SYT7: variants seen among roughly 807,000 people sequenced by gnomAD.
The protein encoded by SYT7 is synaptotagmin 7, also known as synaptotagmin-7.
SYT7 carries 29 observed loss-of-function variants against 75.1 expected under a neutral mutation model. The observed-to-expected ratio is 0.39, with a 90% CI of 0.29 to 0.53. The LOEUF (loss-of-function observed/expected upper bound fraction) is 0.53, where lower values mean the gene tolerates loss of function less well. Among genes scored for constraint, SYT7 ranks in the 20% least tolerant of loss-of-function variants. SYT7 has a pLI of 0.77. For synonymous variants in SYT7, 376 were observed against 401.7 expected, an observed-to-expected ratio of 0.94 and a Z score of 0.76; for missense variants, 693 against 953.2, an observed-to-expected ratio of 0.73 and a Z score of 3.59.
At chr11:61,572,676 C>T (rs1590953460) in intron 1 of SYT7, among the ~76,000 whole-genome samples, 1 of 152,206 alleles carries the variant, frequency 6.6e-6, no homozygotes, top group East Asian at 1.9e-4. Flanking sequence ...CCAGGCACCA[C>T]TGGGAGCCTC....
In SYT7 at chr11:61,580,824, C is replaced by T. The variant is rs2064242288; in HGVS notation, c.-4G>A. On this transcript the variant is annotated 5_prime_UTR_variant, in exon 1 of 13. Coordinates refer to ENST00000539008, the MANE Select transcript of SYT7 (RefSeq NM_001365809.2). This position sits in a 1 kb window ranked among gnomAD's most constrained non-coding sequence, Gnocchi z 6.1. ...CCGCCTCCGGGTCCCGGTACATGGT[C>T]CCCTCGTCGCCGGTTCCCTCCGGGC... is the stretch of plus-strand genomic sequence containing the variant. 1.4e-5 allele frequency: 18 copies of T among 1,266,852 alleles called. No individual in the cohort carries two copies. The highest frequency in any genetic ancestry group is 1.8e-5 in the Non-Finnish European group (18 of 1,004,032). 78.5% of individuals were successfully genotyped at this position (1,266,852 alleles called of 1,614,324 possible).
chr11:61,563,713 C>T (rs1011479520), intron 1 of SYT7, among the ~76,000 whole-genome samples: 22 of 152,152 alleles, frequency 1.4e-4, no homozygotes, highest in East Asian at 1.9e-4. Context: ...CTTCCTGGAA[C>T]GCCTTTCCTT....
Position 61,546,873 on chromosome 11 carries a change from C to T in SYT7, c.347+304G>A, listed in dbSNP as rs2063207171. ...CAAACGGGCAACCCCATCCTGACTG[C>T]ACAGAAGGTGGGGTGGGCCCCGGGA... is the stretch of plus-strand genomic sequence containing the variant. On this transcript the variant is annotated intron_variant, in intron 4 of 12. Coordinates refer to ENST00000539008, the MANE Select transcript of SYT7 (RefSeq NM_001365809.2). This position sits in a 1 kb window ranked among gnomAD's most constrained non-coding sequence, Gnocchi z 7.6. 6.6e-6 allele frequency among the ~76,000 whole-genome samples: 1 copy of T among 152,028 alleles called. No individual in the cohort carries two copies. The highest frequency in any genetic ancestry group is 1.5e-5 in the Non-Finnish European group (1 of 68,012).
At position 61,533,084 on chromosome 11, in the gene SYT7, G is replaced by A; in HGVS notation, c.1105C>T (p.Pro369Ser). ...GACTCATCGTGGGGTGTCTGGCCTG[G>A]CACGGGGGCTGTGTTCACCGCCTTC... Reference protein sequence around the residue: ...GGKAVNTAPVPGQTPHDESDR... With the variant: ...GGKAVNTAPVSGQTPHDESDR... The change falls in exon 8 of 13, where the codon CCA becomes TCA. Residue 369 changes from proline to serine, a missense_variant. Pro to Ser is a moderately conservative substitution (Grantham distance 74). Transcript: ENST00000539008. The A allele has an allele frequency of 6.2e-7, 1 of 1,610,504 alleles. No homozygotes were observed. The highest frequency in any genetic ancestry group is 8.5e-7 in the Non-Finnish European group (1 of 1,178,574).
chr11:61,588,191 G>A, the SYT7 span, among the ~76,000 whole-genome samples: 1 of 152,266 alleles, frequency 6.6e-6, no homozygotes, highest in East Asian at 1.9e-4. Context: ...GCCTCTGGGG[G>A]AGCTGCTGGG....
intron 1 of SYT7, among the ~76,000 whole-genome samples, chr11:61,558,868 G>A (rs952230995): frequency 2.6e-5 from 4 of 152,046 alleles, no homozygotes; most frequent in Non-Finnish European, 4.4e-5. Flanking sequence ...TCAGCCTCCC[G>A]AATAGCTGGG....
chr11:61,562,970 C>T (rs1345905942), intron 1 of SYT7, among the ~76,000 whole-genome samples: 1 of 152,154 alleles, frequency 6.6e-6, no homozygotes, highest in Non-Finnish European at 1.5e-5. Context: ...AGCTCACCAG[C>T]TGCCCAGAGG....
intron 8 of SYT7, among the ~76,000 whole-genome samples, chr11:61,528,594 C>G (rs2062604198): frequency 6.6e-6 from 1 of 152,130 alleles, no homozygotes; most frequent in Non-Finnish European, 1.5e-5. Context: ...GTGGGAGGCA[C>G]CGACACAAAC....
chr11:61,533,952 C>T (rs1312537861), intron 7 of SYT7, among the ~76,000 whole-genome samples: 6 of 152,146 alleles, frequency 3.9e-5, no homozygotes, highest in Admixed American at 1.3e-4. Flanking sequence ...CGGGCACCAC[C>T]GAGAAGCCCT....
chr11:61,579,418 G>C (rs186896713), intron 1 of SYT7, among the ~76,000 whole-genome samples: 12 of 152,224 alleles, frequency 7.9e-5, no homozygotes, highest in Non-Finnish European at 1.2e-4. Flanking sequence ...AGAGAAGGGC[G>C]CAAGGTTCCA....
rs1440656513 is a variant in SYT7, at chr11:61,551,388, T to C, written c.211A>G (p.Ile71Val). Residue 71 changes from isoleucine (I) to valine (V), a missense_variant, in exon 3 of 13, where the codon ATC (isoleucine) becomes GTC (valine). Coordinates refer to ENST00000539008, the MANE Select transcript of SYT7 (RefSeq NM_001365809.2). The surrounding 1 kb of genome is among the most constrained non-coding windows in gnomAD (Gnocchi z 5.3). ...SGRGRSEKKAINDLDRDFWNN... is the reference protein window; with the variant it reads ...SGRGRSEKKAVNDLDRDFWNN... ...AACTAGCAGCCTGGCACCTACTTGATAGCCTTCTTCTCACTGCGCCCACGC... is the reference window on the plus strand; with the variant it reads ...AACTAGCAGCCTGGCACCTACTTGACAGCCTTCTTCTCACTGCGCCCACGC... The C allele has an allele frequency of 3.1e-6, 5 of 1,613,808 alleles. No homozygotes were observed. The highest frequency in any genetic ancestry group is 3.3e-5 in the Admixed American group (2 of 60,008).
At position 61,542,186 on chromosome 11, in the gene SYT7, C is replaced by A; in HGVS notation, c.941+25G>T. The A allele has an allele frequency of 6.5e-7, 1 of 1,527,268 alleles. No homozygotes were observed. Among genetic ancestry groups the A allele is most frequent in the Non-Finnish European group, 8.7e-7 (1 of 1,142,914 alleles). 94.6% of individuals were successfully genotyped at this position (1,527,268 alleles called of 1,614,324 possible). A position where few individuals can be genotyped will look rare whatever the true frequency, so the allele number is the denominator to read the frequency against. ...GAGGCTGGGTCAGGGAGGTGGGGGC[C>A]GGCCCGCTCAAGGGGAGGACTTACA... is the stretch of plus-strand genomic sequence containing the variant. On this transcript the variant is annotated intron_variant, in intron 6 of 12. Coordinates refer to ENST00000539008, the MANE Select transcript of SYT7 (RefSeq NM_001365809.2). The surrounding 1 kb of genome is among the most constrained non-coding windows in gnomAD (Gnocchi z 7.8).
chr11:61,528,546 A>T (rs1298050619), intron 8 of SYT7, among the ~76,000 whole-genome samples: 1 of 152,088 alleles, frequency 6.6e-6, no homozygotes, highest in Non-Finnish European at 1.5e-5. Flanking sequence ...TGAGCCCCCC[A>T]GACCTCCCTG....
rs981301902 is a variant in SYT7, at chr11:61,580,589, G to A, written c.31+201C>T. Among the ~76,000 whole-genome samples the A allele has an allele frequency of 2.6e-5, 4 of 152,116 alleles. No individual in the cohort carries two copies. Among genetic ancestry groups the A allele is most frequent in the Non-Finnish European group, 4.4e-5 (3 of 67,974 alleles). ...AAGCCGGTCCCAGACATCCAGCCTG[G>A]CAGTGTCCAGACTGCGGGGGACCGG... On this transcript the variant is annotated intron_variant, in intron 1 of 12. Transcript: ENST00000539008. This position sits in a 1 kb window ranked among gnomAD's most constrained non-coding sequence, Gnocchi z 6.1.
intron 1 of SYT7, among the ~76,000 whole-genome samples, chr11:61,579,759 C>A (rs945214291): frequency 2.0e-5 from 3 of 152,204 alleles, no homozygotes; most frequent in African/African-American, 7.2e-5. Context: ...CCTGGAGGCT[C>A]TTCGTTTGGG....
chr11:61,529,500 A>T (rs1038011748), intron 8 of SYT7, among the ~76,000 whole-genome samples: 2 of 152,024 alleles, frequency 1.3e-5, no homozygotes, highest in Non-Finnish European at 2.9e-5. Flanking sequence ...GGCAGTAGGA[A>T]CCCTCTCTGA....
intron 1 of SYT7, among the ~76,000 whole-genome samples, chr11:61,557,957 T>G (rs2063540133): frequency 6.6e-6 from 1 of 152,176 alleles, no homozygotes; most frequent in Non-Finnish European, 1.5e-5. Context: ...TGGCCAGGAC[T>G]CCAGGGAAGG....
intron 5 of SYT7, among the ~76,000 whole-genome samples, chr11:61,544,112 G>A (rs750202490): frequency 1.3e-5 from 2 of 152,252 alleles, no homozygotes; most frequent in Non-Finnish European, 2.9e-5. Context: ...CATTGTGCAA[G>A]AGAGTATATG....
chr11:61,587,277 C>G, the SYT7 span, among the ~76,000 whole-genome samples: 1 of 152,306 alleles, frequency 6.6e-6, no homozygotes, highest in East Asian at 1.9e-4. Flanking sequence ...GGTCAAGCCC[C>G]GCTCCTCTCA....
Sources: allele counts gnomAD v4.1 joint callset (sites outside exome capture counted in the v4.1 genomes callset), GRCh38; gene constraint gnomAD v4.1.1; non-coding constraint Gnocchi (gnomAD v3.1); transcripts MANE v1.5; gene names NCBI Gene and HGNC (gene_info 2026-07-23, HGNC 2026-07-21).